The following WWOX variants were observed in gnomAD, a reference collection of about 807,000 sequenced individuals.
WWOX encodes WW domain-containing oxidoreductase.
A neutral mutation model predicts 46.2 loss-of-function variants in WWOX; 69 were observed. The ratio of observed to expected loss-of-function variants is 1.49; its 90% CI spans 1.23 to 1.82. WWOX has a LOEUF of 1.82. Ranked by LOEUF, WWOX falls within the 40% of genes most tolerant of loss-of-function variation. WWOX has a pLI of 0.00. For missense variants in WWOX, 919 were observed against 542.6 expected (o/e 1.69, Z -6.89); for synonymous variants, 359 against 202.6 (o/e 1.77, Z -6.56).
chr16:78,665,514 C>T (rs77729798), intron 8 of WWOX, among the ~76,000 whole-genome samples: 18,398 of 151,980 alleles, frequency 0.12, 1,917 homozygotes, highest in African/African-American at 0.28. Flanking sequence ...CGTGTGTCTC[C>T]TTGAGGCAGA....
intron 6 of WWOX, among the ~76,000 whole-genome samples, chr16:78,413,276 C>G (rs1489260426): frequency 6.6e-6 from 1 of 152,090 alleles, no homozygotes; most frequent in Non-Finnish European, 1.5e-5. Flanking sequence ...CTGATTGTCT[C>G]ACGTGTCCAT....
intron 5 of WWOX, among the ~76,000 whole-genome samples, chr16:78,260,573 C>A (rs1167278604): frequency 6.6e-6 from 1 of 151,198 alleles, no homozygotes; most frequent in Non-Finnish European, 1.5e-5. Context: ...GAGGCTGAGG[C>A]AGGAGAATCA....
At chr16:78,801,278 C>A (rs567856945) in intron 8 of WWOX, among the ~76,000 whole-genome samples, 1 of 152,046 alleles carries the variant, frequency 6.6e-6, no homozygotes, top group African/African-American at 2.4e-5. Context: ...GGGAGGCCAA[C>A]GCAGGTAGAT....
chr16:78,419,672 G>C (rs2082878526), intron 6 of WWOX, among the ~76,000 whole-genome samples: 1 of 116,006 alleles, frequency 8.6e-6, no homozygotes, highest in African/African-American at 3.2e-5. Context: ...TTAAATGTAA[G>C]AGCTAAAACT....
At position 78,784,973 on chromosome 16, in the gene WWOX, G is replaced by T. The variant is rs572959755; in HGVS notation, c.1056+352221G>T. Among the ~76,000 whole-genome samples, 3 of 152,220 alleles carry T rather than the reference G, an allele frequency of 2.0e-5. No homozygotes were observed. The South Asian group carries it at 6.2e-4, about 32-fold the overall frequency. On this transcript the variant is annotated intron_variant, in intron 8 of 8. Transcript: ENST00000566780. ...TTGCAGTTGTTCAGAAGGTCCCGTG[G>T]GCAGGAGCAGCCAGAGGAACATGAA...
At chr16:78,164,376 G>C in intron 5 of WWOX, 87 bp downstream of exon 5, 3 of 1,166,942 alleles carry the variant, frequency 2.6e-6, no homozygotes, top group African/African-American at 3.0e-5. Context: ...AGTGTGTAAA[G>C]TTTATTGCTC....
At chr16:78,687,674 C>A (rs1044655827) in intron 8 of WWOX, among the ~76,000 whole-genome samples, 1 of 152,176 alleles carries the variant, frequency 6.6e-6, no homozygotes, top group African/African-American at 2.4e-5. Context: ...TTACACAGTA[C>A]TAGGCAAGCA....
At chr16:78,563,518 C>G (rs1461319377) in intron 8 of WWOX, among the ~76,000 whole-genome samples, 4 of 133,082 alleles carry the variant, frequency 3.0e-5, no homozygotes, top group Non-Finnish European at 6.4e-5. Context: ...CACACACACG[C>G]TTTTTTTTTT....
intron 8 of WWOX, among the ~76,000 whole-genome samples, chr16:78,908,983 A>T (rs117666808): frequency 0.012 from 1,848 of 152,328 alleles, 22 homozygotes; most frequent in Admixed American, 0.022. Flanking sequence ...CTGCAAAGGC[A>T]GTCTAGTCCC....
At chr16:78,369,974 A>G (rs67721363) in intron 5 of WWOX, among the ~76,000 whole-genome samples, 19,647 of 151,542 alleles carry the variant, frequency 0.13, 1,747 homozygotes, top group East Asian at 0.37. Context: ...CTCTACTAAA[A>G]CTACAAAAAT....
chr16:78,582,260 A>G lies in WWOX; in HGVS notation c.1056+149508A>G, dbSNP rs1255045001. Reference sequence around the variant, plus strand: ...CAGGTGAAGGTAAAAATCAAGTAAGATCTATACTTTTGATAGCAATTGCTG... The same window carrying G: ...CAGGTGAAGGTAAAAATCAAGTAAGGTCTATACTTTTGATAGCAATTGCTG... On this transcript the variant is annotated intron_variant, in intron 8 of 8. Coordinates refer to ENST00000566780, the MANE Select transcript of WWOX (RefSeq NM_016373.4). 2.6e-5 allele frequency among the ~76,000 whole-genome samples: 4 copies of G among 152,254 alleles called. No individual in the cohort carries two copies. The East Asian group carries it at 5.8e-4, about 22-fold the overall frequency.
intron 8 of WWOX, among the ~76,000 whole-genome samples, chr16:79,130,453 A>G (rs1256850991): frequency 1.3e-5 from 2 of 152,192 alleles, no homozygotes; most frequent in Admixed American, 6.5e-5. Flanking sequence ...AGTTCTACGT[A>G]AAAACAGGGT....
At chr16:78,228,103 T>A (rs1410782303) in intron 5 of WWOX, among the ~76,000 whole-genome samples, 3 of 152,092 alleles carry the variant, frequency 2.0e-5, no homozygotes, top group African/African-American at 7.2e-5. Flanking sequence ...TTGTCACAAA[T>A]GCCTTGATGT....
At chr16:78,381,964 C>G (rs1004644661) in intron 5 of WWOX, among the ~76,000 whole-genome samples, 5 of 152,176 alleles carry the variant, frequency 3.3e-5, no homozygotes, top group Non-Finnish European at 7.3e-5. Context: ...TTTCCAGGTT[C>G]AAGTGATCTT....
chr16:78,851,728 A>C (rs1014813447), intron 8 of WWOX, among the ~76,000 whole-genome samples: 10 of 152,224 alleles, frequency 6.6e-5, no homozygotes, highest in African/African-American at 2.2e-4. Flanking sequence ...TTTCAAATGA[A>C]GTGGACCTCC....
chr16:78,128,769 A>G (rs1328209049), intron 4 of WWOX, among the ~76,000 whole-genome samples: 3 of 151,140 alleles, frequency 2.0e-5, no homozygotes, highest in South Asian at 2.1e-4. Context: ...AACTTTTTGT[A>G]TCTTGCAATA....
chr16:78,910,468 G>A (rs951934508), intron 8 of WWOX, among the ~76,000 whole-genome samples: 4 of 151,024 alleles, frequency 2.6e-5, no homozygotes, highest in Admixed American at 6.6e-5. Context: ...TTAGAACAGT[G>A]TGGTGTTTCA....
At chr16:79,201,444 G>T (rs2150830514) in intron 8 of WWOX, among the ~76,000 whole-genome samples, 1 of 151,762 alleles carries the variant, frequency 6.6e-6, no homozygotes, top group African/African-American at 2.4e-5. Flanking sequence ...TGCCTGAGCT[G>T]GCTCGGTTTT....
chr16:79,183,244 C>G (rs2050947825), intron 8 of WWOX, among the ~76,000 whole-genome samples: 2 of 152,182 alleles, frequency 1.3e-5, no homozygotes, highest in African/African-American at 2.4e-5. Flanking sequence ...CCTTTTCTTG[C>G]AAACCTAATG....
Sources: allele counts gnomAD v4.1 joint callset (sites outside exome capture counted in the v4.1 genomes callset), GRCh38; gene constraint gnomAD v4.1.1; transcripts MANE v1.5; gene names NCBI Gene and HGNC (gene_info 2026-07-23, HGNC 2026-07-21).